The following ABCA13 variants were observed in gnomAD, a reference collection of about 807,000 sequenced individuals.
ABCA13 encodes the protein ATP binding cassette subfamily A member 13.
A neutral mutation model predicts 478.7 loss-of-function variants in ABCA13; 476 were observed. The ratio of observed to expected loss-of-function variants is 0.99; its 90% CI spans 0.92 to 1.07. ABCA13 has a LOEUF of 1.07. Ranked by LOEUF, ABCA13 falls within the 50% of genes least tolerant of loss-of-function variation. The pLI is 0.00. For missense variants in ABCA13, 6,060 were observed against 5,910.6 expected, an observed-to-expected ratio of 1.03 and a Z score of -0.83; for synonymous variants, 2,252 against 2,158.9, an observed-to-expected ratio of 1.04 and a Z score of -1.20.
rs1485042747 is a variant in ABCA13, at chr7:48,580,277, G to A, written c.14408G>A (p.Cys4803Tyr). The change falls in exon 56 of 62, where the codon TGT becomes TAT. Residue 4803 changes from cysteine to tyrosine, a missense_variant. By Grantham distance (194) the Cys-to-Tyr change is radical. Around this residue, in one of 3 missense-constraint regions of ABCA13, gnomAD observed 1,627 missense variants for 1,571.0 expected, o/e 1.04. Transcript: ENST00000435803. ...ACGGCAGGCGTGCTCATTGGCTACTGTCCCCAGCAGGATGCCCTGGACGAG... is the reference window on the plus strand; with the variant it reads ...ACGGCAGGCGTGCTCATTGGCTACTATCCCCAGCAGGATGCCCTGGACGAG... ...AGTAGVLIGY[C>Y]PQQDALDELL... 3.7e-6 allele frequency: 6 copies of A among 1,611,940 alleles called. No homozygotes were observed. The South Asian group carries it at 6.6e-5, about 18-fold the overall frequency.
chr7:48,178,228 T>C (rs1462862960), intron 1 of ABCA13, among the ~76,000 whole-genome samples: 1 of 152,132 alleles, frequency 6.6e-6, no homozygotes, highest in Non-Finnish European at 1.5e-5. Context: ...CAACCAAATA[T>C]ATATTAAAAA....
intron 42 of ABCA13, among the ~76,000 whole-genome samples, chr7:48,453,842 C>A (rs1457805556): frequency 6.6e-6 from 1 of 152,126 alleles, no homozygotes; most frequent in African/African-American, 2.4e-5. Context: ...GGACAGAAAC[C>A]AAAGAGCCCA....
intron 27 of ABCA13, among the ~76,000 whole-genome samples, chr7:48,327,061 C>T (rs1804442818): frequency 6.6e-6 from 1 of 152,190 alleles, no homozygotes; most frequent in Non-Finnish European, 1.5e-5. Context: ...CTTTATTGAG[C>T]ACTTACTTCT....
At position 48,271,963 on chromosome 7, in the gene ABCA13, A is replaced by G; in HGVS notation, c.2297A>G (p.Asp766Gly). 1 of 1,613,630 alleles carries G rather than the reference A, an allele frequency of 6.2e-7. No homozygotes were observed. Among genetic ancestry groups the G allele is most frequent in the Non-Finnish European group, 8.5e-7 (1 of 1,179,716 alleles). Residue 766 changes from aspartate to glycine, a missense_variant, in exon 17 of 62, where the codon GAT (aspartate) becomes GGT (glycine). This residue lies in a region of ABCA13 where 4,423 missense variants were observed against 4,309.1 expected (regional missense o/e 1.03). Coordinates refer to ENST00000435803, the MANE Select transcript of ABCA13 (RefSeq NM_152701.5). ...CACAGCCTCCCATCTCTCACAGAGG[A>G]TATTCTGAATATAAGTTCTCTGTGG... is the stretch of plus-strand genomic sequence containing the variant. ...SFHSLPSLTE[D>G]ILNISSLWTN... is the part of the protein sequence containing the mutation.
chr7:48,518,045 T>G (rs1314275031), intron 52 of ABCA13, among the ~76,000 whole-genome samples: 1 of 152,266 alleles, frequency 6.6e-6, no homozygotes, highest in Non-Finnish European at 1.5e-5. Flanking sequence ...CAGTGAACTC[T>G]GTAAACATCT....
In ABCA13 at chr7:48,481,140, A is replaced by G. The variant is rs1828715325; in HGVS notation, c.13080A>G (p.Pro4360=). 1 of 1,584,770 alleles carries G rather than the reference A, an allele frequency of 6.3e-7. No individual in the cohort carries two copies. Among genetic ancestry groups the G allele is most frequent in the Non-Finnish European group, 8.6e-7 (1 of 1,164,480 alleles). The change falls in exon 46 of 62, where the codon CCA becomes CCG. Residue 4360 remains proline (P), a synonymous_variant. Coordinates refer to ENST00000435803, the MANE Select transcript of ABCA13 (RefSeq NM_152701.5). ...GFNMEEYLLA[P]SEKPRLGGWS... Reference sequence around the variant, plus strand: ...ATATGGAGGAGTACTTGCTGGCACCATCTGAAAAACCAAGGTGTGTTCAAT... The same window carrying G: ...ATATGGAGGAGTACTTGCTGGCACCGTCTGAAAAACCAAGGTGTGTTCAAT...
chr7:48,391,725 A>G (rs73099338), intron 37 of ABCA13, among the ~76,000 whole-genome samples, 196 bp from the exon 38 acceptor site: 13,487 of 152,146 alleles, frequency 0.089, 660 homozygotes, highest in East Asian at 0.12. Context: ...TAACATGTTA[A>G]ACTCACATTT....
rs1792455599 is a variant in ABCA13 at position 48,615,286 on chromosome 7, A to G, written c.14746A>G (p.Met4916Val). ...TTTGTCTCTTTTCCTTCTTTACAGC[A>G]TGGAGGAGTGTGAGGCTCTTTGCAC... is the stretch of plus-strand genomic sequence containing the variant. ...GCAAVLTSHSMEECEALCTRL... is the reference protein window; with the variant it reads ...GCAAVLTSHSVEECEALCTRL... Residue 4916 changes from methionine to valine, a missense_variant and splice_region_variant, in exon 59 of 62, where the codon ATG becomes GTG. Met to Val is a conservative substitution (Grantham distance 21, BLOSUM62 1). Coordinates refer to ENST00000435803, the MANE Select transcript of ABCA13 (RefSeq NM_152701.5). 4 of 1,541,608 alleles carry G rather than the reference A, an allele frequency of 2.6e-6. No individual in the cohort carries two copies. The highest frequency in any genetic ancestry group is 2.5e-5 in the South Asian group (2 of 79,436).
intron 57 of ABCA13, among the ~76,000 whole-genome samples, chr7:48,590,455 G>A (rs1041562256): frequency 6.6e-6 from 1 of 152,124 alleles, no homozygotes; most frequent in East Asian, 1.9e-4. Flanking sequence ...ATATAGCACT[G>A]CAAATATCCC....
intron 43 of ABCA13, 85 bp downstream of exon 43, chr7:48,455,371 A>G (rs1825551737): frequency 6.9e-7 from 1 of 1,443,180 alleles, no homozygotes; most frequent in South Asian, 1.4e-5. Context: ...TGAGAATTCT[A>G]GATAAAAACT....
rs1816476819 is a variant in ABCA13, at chr7:48,394,098, G to C, written c.11873+1959G>C. Among the ~76,000 whole-genome samples the C allele has an allele frequency of 2.0e-5, 3 of 152,170 alleles. No homozygotes were observed. In the South Asian group the frequency reaches 6.2e-4, roughly 32 times the overall value. On this transcript the variant is annotated intron_variant, in intron 38 of 61. Transcript: ENST00000435803. Reference sequence around the variant, plus strand: ...GGAGTGCTCCTTAGAAATGTACCCAGGTCCTGGCCCTTCTCTGCCAACTGC... The same window carrying C: ...GGAGTGCTCCTTAGAAATGTACCCACGTCCTGGCCCTTCTCTGCCAACTGC...
intron 1 of ABCA13, among the ~76,000 whole-genome samples, chr7:48,176,965 A>C (rs1794971291): frequency 6.6e-6 from 1 of 152,130 alleles, no homozygotes; most frequent in Non-Finnish European, 1.5e-5. Flanking sequence ...CATTTCTTTG[A>C]GATTTTTGTC....
intron 52 of ABCA13, among the ~76,000 whole-genome samples, chr7:48,519,000 T>C (rs1306920843): frequency 6.6e-6 from 1 of 151,946 alleles, no homozygotes; most frequent in Non-Finnish European, 1.5e-5. Context: ...GTGTGTGTTG[T>C]TCCTGTCCTT....
intron 38 of ABCA13, among the ~76,000 whole-genome samples, chr7:48,399,902 T>C (rs1464620680): frequency 6.6e-6 from 1 of 152,188 alleles, no homozygotes; most frequent in African/African-American, 2.4e-5. Flanking sequence ...GGATTTATGA[T>C]GGGTATGTGT....
chr7:48,256,722 A>G (rs1374492310), intron 15 of ABCA13, among the ~76,000 whole-genome samples: 3 of 151,924 alleles, frequency 2.0e-5, no homozygotes, highest in Non-Finnish European at 2.9e-5. Flanking sequence ...TTCTGTAGCC[A>G]TGTAGTATAG....
intron 55 of ABCA13, among the ~76,000 whole-genome samples, chr7:48,562,092 T>C (rs1786515257): frequency 7.1e-6 from 1 of 139,872 alleles, no homozygotes; most frequent in African/African-American, 2.9e-5. Flanking sequence ...TCAGAGGACA[T>C]ATGCATATGT....
chr7:48,377,688 A>G (rs1262219014), intron 35 of ABCA13, among the ~76,000 whole-genome samples: 13 of 152,190 alleles, frequency 8.5e-5, no homozygotes. Flanking sequence ...AAAAACTTAG[A>G]CTGCATTGTC....
intron 15 of ABCA13, among the ~76,000 whole-genome samples, chr7:48,261,010 T>C (rs1006652435): frequency 2.6e-5 from 4 of 151,926 alleles, no homozygotes; most frequent in Non-Finnish European, 5.9e-5. Context: ...TTTTTTTTAC[T>C]CTCAAATTTG....
chr7:48,517,532 G>A (rs1230266471), intron 52 of ABCA13, among the ~76,000 whole-genome samples: 1 of 152,060 alleles, frequency 6.6e-6, no homozygotes, highest in African/African-American at 2.4e-5. Context: ...ATCTCCAGCT[G>A]GTGTCTAGGT....
Sources: gnomAD v4.1 joint callset for allele counts (sites outside exome capture counted in the v4.1 genomes callset) on GRCh38, gnomAD v4.1.1 for gene constraint, gnomAD v4.1.1 regional missense constraint, MANE v1.5 for transcripts, NCBI Gene and HGNC (gene_info 2026-07-23, HGNC 2026-07-21) for gene names.